The following KPNA7 variants were observed in gnomAD, a reference collection of about 807,000 sequenced individuals.
The protein encoded by KPNA7 is karyopherin subunit alpha 7.
KPNA7 carries 54 observed loss-of-function variants against 53.7 expected under a neutral mutation model. The ratio of observed to expected loss-of-function variants is 1.01; its 90% CI spans 0.81 to 1.26. The LOEUF is 1.26. Among genes scored for constraint, KPNA7 ranks in the 50% most tolerant of loss-of-function variants. The probability of loss-of-function intolerance (pLI) is 0.00; values close to 1 mark genes in which losing one functional copy is unlikely to be tolerated. For missense variants in KPNA7, 640 were observed against 644.5 expected, an observed-to-expected ratio of 0.99 and a Z score of 0.07; for synonymous variants, 276 against 259.3, an observed-to-expected ratio of 1.06 and a Z score of -0.62.
chr7:99,180,787 G>A (rs1354740807), intron 9 of KPNA7, among the ~76,000 whole-genome samples: 1 of 7,540 alleles, frequency 1.3e-4, no homozygotes, highest in South Asian at 5.0e-3. Flanking sequence ...CTCTCTCCCC[G>A]TCTGTGTCTC....
chr7:99,201,772 G>T (rs775590163), intron 3 of KPNA7, among the ~76,000 whole-genome samples: 1 of 151,794 alleles, frequency 6.6e-6, no homozygotes, highest in African/African-American at 2.4e-5. Context: ...GCAGTGGCAC[G>T]ATCTTGACTT....
the KPNA7 span, among the ~76,000 whole-genome samples, chr7:99,150,434 G>C: frequency 2.3e-4 from 1 of 4,330 alleles, no homozygotes; most frequent in South Asian, 6.1e-3. Flanking sequence ...TTTTTTTTGA[G>C]ACGGAGTTTC....
chr7:99,184,999 C>T lies in KPNA7; in HGVS notation c.1064G>A (p.Gly355Glu), dbSNP rs1181903996. 6.4e-7 allele frequency: 1 copy of T among 1,551,902 alleles called. No homozygotes were observed. The highest frequency in any genetic ancestry group is 1.7e-4 in the Middle Eastern group (1 of 5,992). ...CAGCTGCTGGATGTGGTGACAAGGC[C>T]CCGCTGCTACGTTGCTCAGGGCCCA... ...AAWALSNVAA[G>E]PCHHIQQLLA... Residue 355 changes from glycine to glutamate, a missense_variant, in exon 8 of 11, where the codon GGG (glycine) becomes GAG (glutamate). Physicochemically the swap from Gly to Glu is moderately conservative, Grantham distance 98. Transcript: ENST00000327442.
At chr7:99,203,304 A>C in intron 2 of KPNA7, 64 bp from the exon 3 acceptor site, 2 of 1,500,476 alleles carry the variant, frequency 1.3e-6, no homozygotes, top group Non-Finnish European at 9.0e-7. Context: ...TTAGTCTGTC[A>C]AACATGTTTC....
chr7:99,174,093 C>T (rs559726219), intron 10 of KPNA7, among the ~76,000 whole-genome samples: 1 of 152,164 alleles, frequency 6.6e-6, no homozygotes, highest in African/African-American at 2.4e-5. Flanking sequence ...GGCCAGCAAG[C>T]GAAGCTTCAT....
At chr7:99,214,260 G>A (rs34482096) in intron 1 of KPNA7, among the ~76,000 whole-genome samples, 9,109 of 146,804 alleles carry the variant, frequency 0.062, 311 homozygotes, top group South Asian at 0.16. Flanking sequence ...GCAAAACCCC[G>A]TCTCTACTAA....
rs1790027850 is a variant in KPNA7 at position 99,192,907 on chromosome 7, G to A, written c.636+112C>T. 21 of 681,860 alleles carry A rather than the reference G, an allele frequency of 3.1e-5. No homozygotes were observed. The South Asian group carries it at 4.0e-4, about 13-fold the overall frequency. The allele number at this position is 681,860 out of a possible 1,614,324, so 42.2% of individuals were successfully genotyped here. On this transcript the variant is annotated intron_variant, in intron 6 of 10. Transcript: ENST00000327442. ...ACTTTGAGAGGTAGGAGGATTGCTT[G>A]AAGCCAGGAGTTCAAGACCAGCCTG...
rs1205970845 is a variant in KPNA7, at chr7:99,195,242, G to A, written c.381C>T (p.Tyr127=). Residue 127 remains tyrosine, a synonymous_variant, in exon 5 of 11, where the codon TAC becomes TAT. Transcript: ENST00000327442. ...AGGCAGCCTCAAACTGCAAGCAGGG[G>A]TAAAGTGATGACTTCAGGAACTCCA... ...RMVEFLKSSL[Y]PCLQFEAAWA... 14 of 1,551,648 alleles carry A rather than the reference G, an allele frequency of 9.0e-6. No homozygotes were observed. The highest frequency in any genetic ancestry group is 1.1e-5 in the Non-Finnish European group (13 of 1,146,984).
chr7:99,150,834 A>T, the KPNA7 span, among the ~76,000 whole-genome samples: 1 of 152,146 alleles, frequency 6.6e-6, no homozygotes, highest in East Asian at 1.9e-4. Flanking sequence ...GTTGTGCAGA[A>T]CCCGTAACCA....
intron 3 of KPNA7, among the ~76,000 whole-genome samples, chr7:99,200,531 A>G (rs1306131845): frequency 6.6e-6 from 1 of 152,204 alleles, no homozygotes; most frequent in African/African-American, 2.4e-5. Context: ...GATACAGCCT[A>G]CCACAAAGAG....
chr7:99,207,613 C>CTTTTTTTTTTTTTTTTT (rs754881370), intron 1 of KPNA7, 124 bp from the exon 2 acceptor site: 2 of 123,054 alleles, frequency 1.6e-5, no homozygotes, highest in East Asian at 2.7e-4. Flanking sequence ...AGGAAGCTAG[C>CTTTTTTTTTTTTTTTTT]TTTTTTTTTT....
At chr7:99,192,711 G>C (rs1790017928) in intron 6 of KPNA7, among the ~76,000 whole-genome samples, 1 of 152,136 alleles carries the variant, frequency 6.6e-6, no homozygotes, top group Non-Finnish European at 1.5e-5. Context: ...GCCCAGTCTT[G>C]AGCCTTGTTT....
chr7:99,159,370 A>C, the KPNA7 span, among the ~76,000 whole-genome samples: 1 of 151,168 alleles, frequency 6.6e-6, no homozygotes, highest in African/African-American at 2.4e-5. Context: ...AAAAAAAAAA[A>C]AAAGGAATAA....
upstream of KPNA7, among the ~76,000 whole-genome samples, chr7:99,210,193 A>G (rs1396291133): frequency 6.6e-6 from 1 of 152,100 alleles, no homozygotes; most frequent in Non-Finnish European, 1.5e-5. Flanking sequence ...CTTCATTATC[A>G]AGTGTTCCAG....
At chr7:99,148,577 CCCTAGATTAATAACT>C in the KPNA7 span, among the ~76,000 whole-genome samples, 2 of 152,026 alleles carry the variant, frequency 1.3e-5, no homozygotes, top group African/African-American at 4.8e-5. Context: ...GGCCTGTAGT[CCCTAGATTAATAACT>C]CCTTATTTAT....
In KPNA7 at chr7:99,194,507, C is replaced by A. The variant is rs577893420; in HGVS notation, c.553+563G>T. Among the ~76,000 whole-genome samples the A allele has an allele frequency of 2.0e-5, 3 of 152,246 alleles. No individual in the cohort carries two copies. The South Asian group carries it at 6.2e-4, about 32-fold the overall frequency. ...GCCACGAAGCCCTGAGGCTGTAGGA[C>A]CTTAGTGTTGGCAGATGTCTCTAGT... is the stretch of plus-strand genomic sequence containing the variant. On this transcript the variant is annotated intron_variant, in intron 5 of 10. Coordinates refer to ENST00000327442, the MANE Select transcript of KPNA7 (RefSeq NM_001145715.3).
At chr7:99,160,314 C>T in the KPNA7 span, among the ~76,000 whole-genome samples, 1 of 151,878 alleles carries the variant, frequency 6.6e-6, no homozygotes, top group South Asian at 2.1e-4. Flanking sequence ...GCGTGAGCCA[C>T]GCACCCGGCC....
chr7:99,199,458 GA>G, intron 3 of KPNA7, among the ~76,000 whole-genome samples: 1 of 152,274 alleles, frequency 6.6e-6, no homozygotes, highest in Non-Finnish European at 1.5e-5. Context: ...ACGGTCAATT[GA>G]TTTTTTTGAC....
At position 99,195,354 on chromosome 7, in the gene KPNA7, G is replaced by T; in HGVS notation, c.285-16C>A. On this transcript the variant is annotated splice_polypyrimidine_tract_variant and intron_variant, in intron 4 of 10. Coordinates refer to ENST00000327442, the MANE Select transcript of KPNA7 (RefSeq NM_001145715.3). Reference sequence around the variant, plus strand: ...TAGCATTTTCCTATGCAATGAAAGAGAGGGCAGGGGAGGGGGAGGTCAAGT... The same window carrying T: ...TAGCATTTTCCTATGCAATGAAAGATAGGGCAGGGGAGGGGGAGGTCAAGT... The T allele has an allele frequency of 6.5e-7, 1 of 1,548,320 alleles. No individual in the cohort carries two copies. The highest frequency in any genetic ancestry group is 8.7e-7 in the Non-Finnish European group (1 of 1,144,478).
Sources: allele counts gnomAD v4.1 joint callset (sites outside exome capture counted in the v4.1 genomes callset), GRCh38; gene constraint gnomAD v4.1.1; transcripts MANE v1.5; gene names NCBI Gene and HGNC (gene_info 2026-07-23, HGNC 2026-07-21).